The following SPATA9 variants were observed in gnomAD, a reference collection of about 807,000 sequenced individuals.
SPATA9 encodes the protein spermatogenesis associated 9, also known as spermatogenesis-associated protein 9.
In SPATA9, 27 loss-of-function variants were observed where a neutral mutation model predicts 25.5. The ratio of observed to expected loss-of-function variants is 1.06; its 90% CI spans 0.78 to 1.46. The LOEUF (loss-of-function observed/expected upper bound fraction) is 1.46. Ranked by LOEUF, SPATA9 falls within the 40% of genes most tolerant of loss-of-function variation. SPATA9 has a pLI of 0.00. For synonymous variants in SPATA9, 102 were observed against 105.7 expected (o/e 0.97, Z 0.21); for missense variants, 282 against 297.5 (o/e 0.95, Z 0.38).
At chr5:95,710,942 T>G in the SPATA9 span, among the ~76,000 whole-genome samples, 1 of 152,056 alleles carries the variant, frequency 6.6e-6, no homozygotes, top group African/African-American at 2.4e-5. Flanking sequence ...TTTTAATATC[T>G]GGGGCTGCCT....
chr5:95,680,811 G>A (rs1489568676), intron 2 of SPATA9, among the ~76,000 whole-genome samples: 1 of 152,152 alleles, frequency 6.6e-6, no homozygotes, highest in African/African-American at 2.4e-5. Context: ...TGGACAGGAT[G>A]TGGCATGACC....
the SPATA9 span, among the ~76,000 whole-genome samples, chr5:95,725,608 T>C: frequency 6.6e-6 from 1 of 152,264 alleles, no homozygotes; most frequent in Non-Finnish European, 1.5e-5. Context: ...CTGCACTTTT[T>C]TTGTGTGTTG....
At chr5:95,727,618 T>C in the SPATA9 span, among the ~76,000 whole-genome samples, 1 of 152,210 alleles carries the variant, frequency 6.6e-6, no homozygotes, top group Admixed American at 6.5e-5. Flanking sequence ...ACATGTGATA[T>C]CTGTTCTGTT....
At chr5:95,659,000 A>G (rs939462841) in intron 4 of SPATA9, 87 bp from the exon 5 acceptor site, 12 of 1,475,762 alleles carry the variant, frequency 8.1e-6, no homozygotes, top group Non-Finnish European at 1.1e-5. Flanking sequence ...TGTTCCACAT[A>G]AAGTCATTTA....
At chr5:95,713,986 C>T in the SPATA9 span, among the ~76,000 whole-genome samples, 1 of 152,012 alleles carries the variant, frequency 6.6e-6, no homozygotes, top group Non-Finnish European at 1.5e-5. Flanking sequence ...ACTTTAAAGT[C>T]TCTTGGGACT....
chr5:95,718,976 T>A, the SPATA9 span, among the ~76,000 whole-genome samples: 1 of 152,072 alleles, frequency 6.6e-6, no homozygotes, highest in Non-Finnish European at 1.5e-5. Flanking sequence ...GTGGAGCTGT[T>A]GTAGGCAGTG....
At chr5:95,675,780 C>T in intron 2 of SPATA9, 141 bp from the exon 3 acceptor site, 1 of 629,690 alleles carries the variant, frequency 1.6e-6, no homozygotes, top group Non-Finnish European at 2.7e-6. Context: ...TTTCTGTCCC[C>T]CCATGAAACC....
chr5:95,702,527 C>T (rs1369923421), upstream of SPATA9, among the ~76,000 whole-genome samples: 1 of 152,152 alleles, frequency 6.6e-6, no homozygotes, highest in Non-Finnish European at 1.5e-5. Context: ...CAAAAATTTG[C>T]TGCTCTTAGA....
chr5:95,720,876 A>G, the SPATA9 span, among the ~76,000 whole-genome samples: 3 of 152,240 alleles, frequency 2.0e-5, no homozygotes, highest in Non-Finnish European at 4.4e-5. Flanking sequence ...ACTGTGCACT[A>G]ACTTGTTCAA....
At chr5:95,653,993 TATCTCC>T, downstream of SPATA9, 1 of 1,317,800 alleles carries the variant, frequency 7.6e-7, no homozygotes, top group African/African-American at 1.5e-5. Flanking sequence ...TTCTTAGGGT[TATCTCC>T]ATTAAGCTGG....
rs775025055 is a variant in SPATA9, at chr5:95,664,065, G to T, written c.379-17C>A. 9.6e-6 allele frequency: 14 copies of T among 1,457,414 alleles called. No homozygotes were observed. The South Asian group carries it at 1.4e-4, about 14-fold the overall frequency. The allele number at this position is 1,457,414 out of a possible 1,614,324, so 90.3% of individuals were successfully genotyped here. A position where few individuals can be genotyped will look rare whatever the true frequency, so the allele number is the denominator to read the frequency against. On this transcript the variant is annotated splice_polypyrimidine_tract_variant and intron_variant, in intron 3 of 4. Transcript: ENST00000274432. ...CTTTCTGACCTGCAAAAACAGAAAA[G>T]ATTTTCTTAATAAACAAACATTTTC...
At chr5:95,652,320 C>T (rs866114544), downstream of SPATA9, 33 of 1,550,830 alleles carry the variant, frequency 2.1e-5, no homozygotes, top group African/African-American at 4.2e-4. Context: ...CTTATCTACA[C>T]TTCCTCTCCA....
chr5:95,690,803 T>C (rs1055477366), intron 1 of SPATA9, among the ~76,000 whole-genome samples: 2 of 152,210 alleles, frequency 1.3e-5, no homozygotes, highest in African/African-American at 2.4e-5. Context: ...CAAACTATAG[T>C]GAAGCCAATA....
downstream of SPATA9, chr5:95,654,298 T>G (rs183119049): frequency 9.5e-4 from 1,536 of 1,610,102 alleles, 18 homozygotes; most frequent in African/African-American, 0.018. Flanking sequence ...TTTCAGTTTT[T>G]TAGTGACTGC....
chr5:95,702,183 C>A (rs1340244433), upstream of SPATA9, among the ~76,000 whole-genome samples: 5 of 149,986 alleles, frequency 3.3e-5, no homozygotes, highest in Admixed American at 2.0e-4. Context: ...CCATAAAGCC[C>A]AGGTGTTAAA....
chr5:95,669,181 T>A (rs1289454399), intron 3 of SPATA9, among the ~76,000 whole-genome samples: 1 of 152,206 alleles, frequency 6.6e-6, no homozygotes, highest in Non-Finnish European at 1.5e-5. Flanking sequence ...TAAACAAGCT[T>A]TTAATCCGGT....
Position 95,658,780 on chromosome 5 carries a change from A to T in SPATA9, c.608T>A (p.Phe203Tyr), listed in dbSNP as rs1750966208. The change falls in exon 5 of 5, where the codon TTT becomes TAT. Residue 203 changes from phenylalanine to tyrosine, a missense_variant. Phe to Tyr is a conservative substitution (Grantham distance 22). Transcript: ENST00000274432. ...TTTTGCTTTGATTTCACCTTCAGCA[A>T]ACATAGGCTCCGAAAGCACAGGCTC... is the stretch of plus-strand genomic sequence containing the variant. Reference protein sequence around the residue: ...FSEPVLSEPMFAEGEIKAKPY... With the variant: ...FSEPVLSEPMYAEGEIKAKPY... 1.2e-6 allele frequency: 2 copies of T among 1,613,932 alleles called. No individual in the cohort carries two copies. The highest frequency in any genetic ancestry group is 4.5e-5 in the East Asian group (2 of 44,866).
downstream of SPATA9, chr5:95,653,961 C>T (rs1580264079): frequency 3.5e-6 from 3 of 866,180 alleles, no homozygotes; most frequent in South Asian, 3.8e-5. Context: ...CTCCATTAAT[C>T]TTGAAAAGTC....
chr5:95,731,029 C>G, the SPATA9 span: 25 of 932,494 alleles, frequency 2.7e-5, 1 homozygote, highest in Admixed American at 9.8e-5. Flanking sequence ...GCCCCACCCC[C>G]CTTTCCTGGC....
Sources: allele counts gnomAD v4.1 joint callset (sites outside exome capture counted in the v4.1 genomes callset), GRCh38; gene constraint gnomAD v4.1.1; transcripts MANE v1.5; gene names NCBI Gene and HGNC (gene_info 2026-07-23, HGNC 2026-07-21).